Variants in ITGA4 observed in about 807,000 individuals in gnomAD.
ITGA4 encodes integrin subunit alpha 4, also known as integrin alpha-4.
In ITGA4, 63 loss-of-function variants were observed where a neutral mutation model predicts 133.6. The ratio of observed to expected loss-of-function variants is 0.47; its 90% CI spans 0.38 to 0.58. The LOEUF (loss-of-function observed/expected upper bound fraction) is 0.58, where lower values mean the gene tolerates loss of function less well. Among genes scored for constraint, ITGA4 ranks in the 20% least tolerant of loss-of-function variants. The pLI is 0.00. For synonymous variants in ITGA4, 483 were observed against 438.0 expected, an observed-to-expected ratio of 1.10 and a Z score of -1.28; for missense variants, 1,076 against 1,252.7, an observed-to-expected ratio of 0.86 and a Z score of 2.13.
At chr2:181,459,216 CTGAT>C (rs1685207876) in intron 2 of ITGA4, 2 of 152,150 alleles carry the variant, frequency 1.3e-5, no homozygotes, top group African/African-American at 4.8e-5. Context: ...TAGCTAGTGA[CTGAT>C]AGGTGGGAAC....
At chr2:181,488,907 A>G (rs759260743) in intron 10 of ITGA4, among the ~76,000 whole-genome samples, 5 of 152,152 alleles carry the variant, frequency 3.3e-5, no homozygotes, top group African/African-American at 1.2e-4. Flanking sequence ...GGCGTTTTCT[A>G]TATTTTAGAT....
intron 17 of ITGA4, among the ~76,000 whole-genome samples, chr2:181,521,784 C>G (rs1387805543): frequency 6.6e-6 from 1 of 152,150 alleles, no homozygotes; most frequent in African/African-American, 2.4e-5. Context: ...TTCCATTTTC[C>G]TCCCTCGGTT....
At chr2:181,528,695 G>A (rs938804453) in intron 22 of ITGA4, among the ~76,000 whole-genome samples, 6 of 152,184 alleles carry the variant, frequency 3.9e-5, no homozygotes. Context: ...CCAATTTGGA[G>A]ACACTTTCTT....
At chr2:181,458,433 A>G (rs899094099) in intron 2 of ITGA4, 116 bp downstream of exon 2, 4 of 1,281,530 alleles carry the variant, frequency 3.1e-6, no homozygotes, top group South Asian at 2.7e-5. Flanking sequence ...TAAAGAGCAT[A>G]AAGTTTTCAG....
intron 18 of ITGA4, 68 bp downstream of exon 18, chr2:181,522,409 G>T (rs1449617109): frequency 4.7e-6 from 5 of 1,056,116 alleles, no homozygotes; most frequent in South Asian, 3.7e-5. Flanking sequence ...AAAGTAAATG[G>T]TAGAATTCAC....
At position 181,495,414 on chromosome 2, in the gene ITGA4, A is replaced by G. The variant is rs756549307; in HGVS notation, c.1383A>G (p.Leu461=). 6.2e-7 allele frequency: 1 copy of G among 1,603,370 alleles called. No individual in the cohort carries two copies. The highest frequency in any genetic ancestry group is 1.7e-5 in the Admixed American group (1 of 59,974). ...TTCGGTCTGATTCTGCTGTCTTGCTAAGGTAAGACTGATATATTTCACTGC... is the reference window on the plus strand; with the variant it reads ...TTCGGTCTGATTCTGCTGTCTTGCTGAGGTAAGACTGATATATTTCACTGC... The part of the protein sequence containing the change: ...GAFRSDSAVL[L]RTRPVVIVDA... Residue 461 remains leucine, a splice_region_variant and synonymous_variant, in exon 13 of 28, where the codon CTA becomes CTG. Coordinates refer to ENST00000397033, the MANE Select transcript of ITGA4 (RefSeq NM_000885.6). This position sits in a 1 kb window ranked among gnomAD's most constrained non-coding sequence, Gnocchi z 4.3.
At chr2:181,484,502 G>C (rs1051638436) in intron 9 of ITGA4, among the ~76,000 whole-genome samples, 43 of 152,034 alleles carry the variant, frequency 2.8e-4, no homozygotes, top group Admixed American at 1.1e-3. Context: ...TTGGACATTT[G>C]CCCAGGAGCC....
At chr2:181,535,410 G>C in intron 27 of ITGA4, 22 bp from the exon 28 acceptor site, 1 of 1,563,198 alleles carries the variant, frequency 6.4e-7, no homozygotes, top group Non-Finnish European at 8.7e-7. Context: ...ATACACTAGT[G>C]ATTATGTTAT....
chr2:181,458,369 A>AC (rs1278631625), intron 2 of ITGA4, 52 bp downstream of exon 2: 1 of 1,584,466 alleles, frequency 6.3e-7, no homozygotes, highest in Admixed American at 1.8e-5. Flanking sequence ...CCCCATGTGG[A>AC]CCCCACCATA....
chr2:181,457,766 A>G lies in ITGA4; in HGVS notation c.112A>G (p.Thr38Ala), dbSNP rs1405956935. The part of the protein sequence containing the change: ...VPTGRPYNVD[T>A]ESALLYQGPH... ...GACCGGCCGCCCCTACAACGTGGAC[A>G]CTGAGAGCGCGCTGCTTTACCAGGG... Residue 38 changes from threonine to alanine, a missense_variant, in exon 1 of 28, where the codon ACT becomes GCT. Thr to Ala is a moderately conservative substitution (Grantham distance 58). Coordinates refer to ENST00000397033, the MANE Select transcript of ITGA4 (RefSeq NM_000885.6). The G allele has an allele frequency of 1.9e-6, 3 of 1,613,492 alleles. No individual in the cohort carries two copies. The highest frequency in any genetic ancestry group is 2.5e-6 in the Non-Finnish European group (3 of 1,179,972).
chr2:181,519,134 A>G (rs1305665153), intron 17 of ITGA4, among the ~76,000 whole-genome samples: 2 of 152,150 alleles, frequency 1.3e-5, no homozygotes, highest in African/African-American at 4.8e-5. Context: ...TACACCAATG[A>G]TAAGAAACAT....
intron 27 of ITGA4, 31 bp from the exon 28 acceptor site, chr2:181,535,401 T>TGA (rs1356731598): frequency 6.6e-7 from 1 of 1,516,412 alleles, no homozygotes; most frequent in South Asian, 1.2e-5. Flanking sequence ...TTCATAACTA[T>TGA]ACACTAGTGA....
At chr2:181,471,209 A>G (rs562202979) in intron 2 of ITGA4, among the ~76,000 whole-genome samples, 1 of 152,176 alleles carries the variant, frequency 6.6e-6, no homozygotes, top group Non-Finnish European at 1.5e-5. Flanking sequence ...GATATATGAA[A>G]TAAGCAGAAG....
At chr2:181,526,821 C>CTTTTTTTTTCTTTTT (rs1686838994) in intron 21 of ITGA4, among the ~76,000 whole-genome samples, 1 of 40,994 alleles carries the variant, frequency 2.4e-5, no homozygotes, top group Non-Finnish European at 5.5e-5. Flanking sequence ...AGCACATGGC[C>CTTTTTTTTTCTTTTT]TTTTTTTTTT....
At chr2:181,481,092 T>A (rs1167047042) in intron 6 of ITGA4, among the ~76,000 whole-genome samples, 1 of 152,312 alleles carries the variant, frequency 6.6e-6, no homozygotes, top group African/African-American at 2.4e-5. Context: ...TACAATTCAA[T>A]GTTTTCTTGT....
At position 181,516,141 on chromosome 2, in the gene ITGA4, C is replaced by T. The variant is rs192202442; in HGVS notation, c.1922+4366C>T. Among the ~76,000 whole-genome samples, 163 of 152,112 alleles carry T rather than the reference C, an allele frequency of 1.1e-3. No individual in the cohort carries two copies. Among genetic ancestry groups the T allele is most frequent in the African/African-American group, 3.0e-3 (124 of 41,532 alleles). On this transcript the variant is annotated intron_variant, in intron 17 of 27. Coordinates refer to ENST00000397033, the MANE Select transcript of ITGA4 (RefSeq NM_000885.6). The surrounding 1 kb of genome is among the most constrained non-coding windows in gnomAD (Gnocchi z 4.0). ...TTACAAATATAATAGAAGGTATTAG[C>T]CATCACATAGGGAGTTTAAAATCAA...
chr2:181,500,371 G>A (rs1380604864), intron 15 of ITGA4, among the ~76,000 whole-genome samples: 2 of 152,112 alleles, frequency 1.3e-5, no homozygotes, highest in Admixed American at 6.6e-5. Context: ...AGAAGGTATA[G>A]GAATGTAATG....
At chr2:181,528,764 C>T (rs559003821) in intron 22 of ITGA4, among the ~76,000 whole-genome samples, 1 of 152,108 alleles carries the variant, frequency 6.6e-6, no homozygotes, top group African/African-American at 2.4e-5. Flanking sequence ...CTTTTTTAAT[C>T]GAGGTATTGG....
rs1353694673 is a variant in ITGA4, at chr2:181,498,934, T to G, written c.1695+157T>G. The G allele has an allele frequency of 3.1e-6, 3 of 959,166 alleles. No individual in the cohort carries two copies. In the South Asian group the frequency reaches 1.4e-4, roughly 46 times the overall value. 59.4% of individuals were successfully genotyped at this position (959,166 alleles called of 1,614,324 possible). ...TTGCTCCAGTTAAGGTATGAGACAA[T>G]CTCAACCCAAGTAATTCAGAGTCCT... is the stretch of plus-strand genomic sequence containing the variant. On this transcript the variant is annotated intron_variant, in intron 15 of 27. Coordinates refer to ENST00000397033, the MANE Select transcript of ITGA4 (RefSeq NM_000885.6).
Sources: gnomAD v4.1 joint callset for allele counts (sites outside exome capture counted in the v4.1 genomes callset) on GRCh38, gnomAD v4.1.1 for gene constraint, Gnocchi (gnomAD v3.1) non-coding constraint, MANE v1.5 for transcripts, NCBI Gene and HGNC (gene_info 2026-07-23, HGNC 2026-07-21) for gene names.